Variants in UBE3D observed in about 807,000 individuals in gnomAD.
The protein encoded by UBE3D is E3 ubiquitin-protein ligase E3D.
A neutral mutation model predicts 49.6 loss-of-function variants in UBE3D; 48 were observed. That is an observed-to-expected ratio of 0.97 (90% confidence interval 0.77 to 1.23). UBE3D has a LOEUF of 1.23. Among genes scored for constraint, UBE3D ranks in the 50% most tolerant of loss-of-function variants. UBE3D has a pLI of 0.00. For missense variants in UBE3D, 452 were observed against 468.4 expected, an observed-to-expected ratio of 0.96 and a Z score of 0.32; for synonymous variants, 189 against 174.2, an observed-to-expected ratio of 1.08 and a Z score of -0.67.
chr6:82,899,819 T>C (rs1468223344), intron 9 of UBE3D, among the ~76,000 whole-genome samples: 1 of 152,222 alleles, frequency 6.6e-6, no homozygotes, highest in Non-Finnish European at 1.5e-5. Flanking sequence ...GCAGTTCTGA[T>C]GCTCCCAGTC....
rs556839733 is a variant in UBE3D at position 82,937,710 on chromosome 6, C to T, written c.1149+19602G>A. On this transcript the variant is annotated intron_variant, in intron 9 of 9. Coordinates refer to ENST00000369747, the MANE Select transcript of UBE3D (RefSeq NM_198920.3). ...CAGAGTGAAAAATAAAAGGGGAAGCCGAAAGTGCAAAAAGTCTAAGGGAGG... is the reference window on the plus strand; with the variant it reads ...CAGAGTGAAAAATAAAAGGGGAAGCTGAAAGTGCAAAAAGTCTAAGGGAGG... Among the ~76,000 whole-genome samples, 253 of 152,000 alleles carry T rather than the reference C, an allele frequency of 1.7e-3. 1 individual carries two copies. Among genetic ancestry groups the T allele is most frequent in the Non-Finnish European group, 2.9e-3 (200 of 67,978 alleles).
chr6:82,917,589 T>A (rs1475905453), intron 9 of UBE3D, among the ~76,000 whole-genome samples: 1 of 152,148 alleles, frequency 6.6e-6, no homozygotes, highest in Non-Finnish European at 1.5e-5. Context: ...GGGGTGATTG[T>A]AATGAGCACG....
chr6:83,052,195 T>C (rs539868573), intron 3 of UBE3D, among the ~76,000 whole-genome samples: 1 of 152,318 alleles, frequency 6.6e-6, no homozygotes, highest in South Asian at 2.1e-4. Context: ...AGGCACAGAA[T>C]GGTTAAGTAA....
chr6:82,946,572 A>G (rs1775418396), intron 9 of UBE3D, among the ~76,000 whole-genome samples: 1 of 152,168 alleles, frequency 6.6e-6, no homozygotes. Flanking sequence ...TGAAGGTACA[A>G]AACTCACCAG....
intron 8 of UBE3D, among the ~76,000 whole-genome samples, chr6:83,001,559 C>T (rs531327754): frequency 6.1e-4 from 93 of 152,302 alleles, no homozygotes; most frequent in Non-Finnish European, 1.2e-3. Flanking sequence ...TCCAGTTCAC[C>T]TCTTACTACA....
chr6:83,052,800 G>C (rs1292163275), intron 3 of UBE3D, among the ~76,000 whole-genome samples: 1 of 152,176 alleles, frequency 6.6e-6, no homozygotes, highest in Non-Finnish European at 1.5e-5. Flanking sequence ...TTGACCAGCA[G>C]AGCCTGATGC....
intron 3 of UBE3D, among the ~76,000 whole-genome samples, chr6:83,048,342 A>C (rs1315864830): frequency 6.6e-6 from 1 of 152,148 alleles, no homozygotes; most frequent in Non-Finnish European, 1.5e-5. Context: ...TTTACCAAGA[A>C]GAACCAGCAG....
intron 8 of UBE3D, among the ~76,000 whole-genome samples, chr6:83,004,876 T>C (rs1426276362): frequency 1.3e-5 from 2 of 152,190 alleles, no homozygotes; most frequent in Non-Finnish European, 2.9e-5. Context: ...TTTCAGGCAA[T>C]GACAGTCTCT....
At chr6:82,972,026 G>T (rs1487720631) in intron 8 of UBE3D, among the ~76,000 whole-genome samples, 2 of 152,240 alleles carry the variant, frequency 1.3e-5, no homozygotes, top group South Asian at 4.1e-4. Flanking sequence ...GATAGATGGT[G>T]AAACCACATC....
chr6:83,003,369 A>G (rs551901748), intron 8 of UBE3D, among the ~76,000 whole-genome samples: 1 of 152,292 alleles, frequency 6.6e-6, no homozygotes, highest in South Asian at 2.1e-4. Context: ...ACTGCTTTTC[A>G]TAGGACACCT....
intron 8 of UBE3D, among the ~76,000 whole-genome samples, chr6:82,975,675 T>C (rs1456862767): frequency 6.6e-6 from 1 of 152,194 alleles, no homozygotes; most frequent in Non-Finnish European, 1.5e-5. Context: ...TCAAGTCATC[T>C]TAACAAGTAA....
In UBE3D at chr6:82,970,621, C is replaced by G. The variant is rs548346111; in HGVS notation, c.1011-13171G>C. Among the ~76,000 whole-genome samples the G allele has an allele frequency of 7.9e-5, 12 of 152,182 alleles. 1 individual carries two copies. The South Asian group carries it at 2.3e-3, about 29-fold the overall frequency. On this transcript the variant is annotated intron_variant, in intron 8 of 9. Coordinates refer to ENST00000369747, the MANE Select transcript of UBE3D (RefSeq NM_198920.3). ...TTGGGAGGTCGAGGCGGGCAGATCA[C>G]GAGGTCAGGAGATCGAGACCATCCT...
chr6:83,060,188 T>C (rs575811812), intron 1 of UBE3D, among the ~76,000 whole-genome samples: 2 of 152,142 alleles, frequency 1.3e-5, no homozygotes, highest in South Asian at 4.1e-4. Context: ...ATTCAGTCCA[T>C]AACAGGGTCC....
chr6:82,976,176 G>A (rs1391827772), intron 8 of UBE3D, among the ~76,000 whole-genome samples: 2 of 152,068 alleles, frequency 1.3e-5, no homozygotes, highest in South Asian at 2.1e-4. Flanking sequence ...TTTGGAGATC[G>A]GTGTCCAACC....
chr6:82,937,537 C>T (rs1212540185), intron 9 of UBE3D, among the ~76,000 whole-genome samples: 3 of 152,256 alleles, frequency 2.0e-5, no homozygotes, highest in South Asian at 4.1e-4. Flanking sequence ...TGGGAAAGAA[C>T]GAAGTCCTCT....
At chr6:82,941,234 G>T (rs1774988768) in intron 9 of UBE3D, among the ~76,000 whole-genome samples, 2 of 151,748 alleles carry the variant, frequency 1.3e-5, no homozygotes, top group African/African-American at 2.4e-5. Context: ...ACTTTAAAAT[G>T]TCAATACTGG....
chr6:82,912,464 G>A (rs1333875167), intron 9 of UBE3D, among the ~76,000 whole-genome samples: 3 of 151,406 alleles, frequency 2.0e-5, no homozygotes, highest in East Asian at 1.9e-4. Flanking sequence ...TTTAATCAAG[G>A]CTTTGTCACA....
chr6:82,946,384 A>G (rs938792709), intron 9 of UBE3D, among the ~76,000 whole-genome samples: 1 of 152,100 alleles, frequency 6.6e-6, no homozygotes, highest in Admixed American at 6.5e-5. Flanking sequence ...AAAAAAAAAA[A>G]TTTACCCTAG....
intron 8 of UBE3D, among the ~76,000 whole-genome samples, chr6:82,978,598 C>T (rs1777894204): frequency 6.6e-6 from 1 of 152,172 alleles, no homozygotes; most frequent in Admixed American, 6.5e-5. Context: ...GTTTGAGCTC[C>T]TGCTGACTTC....
Sources: allele counts gnomAD v4.1 joint callset (sites outside exome capture counted in the v4.1 genomes callset), GRCh38; gene constraint gnomAD v4.1.1; transcripts MANE v1.5; gene names NCBI Gene and HGNC (gene_info 2026-07-23, HGNC 2026-07-21).